PTPRD: variants seen among roughly 807,000 people sequenced by gnomAD.
The protein encoded by PTPRD is protein tyrosine phosphatase receptor type D.
PTPRD carries 34 observed loss-of-function variants against 214.5 expected under a neutral mutation model. The observed-to-expected ratio is 0.16, with a 90% confidence interval of 0.12 to 0.21. The LOEUF (loss-of-function observed/expected upper bound fraction) is 0.21, where lower values mean the gene tolerates loss of function less well. PTPRD is among the 10% of genes least tolerant of loss of function. PTPRD has a pLI of 1.00. For synonymous variants in PTPRD, 1,128 were observed against 845.7 expected, an observed-to-expected ratio of 1.33 and a Z score of -5.79; for missense variants, 2,545 against 2,398.7, an observed-to-expected ratio of 1.06 and a Z score of -1.27.
intron 3 of PTPRD, among the ~76,000 whole-genome samples, chr9:10,050,126 G>T (rs2097500721): frequency 6.6e-6 from 1 of 152,124 alleles, no homozygotes. Flanking sequence ...GGGAATTAGA[G>T]AAGATTGTGG....
intron 39 of PTPRD, among the ~76,000 whole-genome samples, chr9:8,359,748 C>A (rs141891150): frequency 1.3e-5 from 2 of 152,302 alleles, no homozygotes; most frequent in Non-Finnish European, 2.9e-5. Context: ...GGAACAGAGA[C>A]TAAAATAAAA....
intron 11 of PTPRD, among the ~76,000 whole-genome samples, chr9:8,977,697 G>A (rs1328271551): frequency 8.2e-6 from 1 of 122,454 alleles, no homozygotes; most frequent in Non-Finnish European, 1.7e-5. Context: ...GTCCTCAGTT[G>A]TCCCTTTGTT....
intron 4 of PTPRD, among the ~76,000 whole-genome samples, chr9:9,985,184 C>G (rs188179169): frequency 1.3e-5 from 2 of 152,312 alleles, no homozygotes; most frequent in Non-Finnish European, 2.9e-5. Context: ...CCAATAAGGT[C>G]TGAACCCCAG....
intron 11 of PTPRD, among the ~76,000 whole-genome samples, chr9:8,863,849 C>T (rs2098149027): frequency 6.6e-6 from 1 of 152,040 alleles, no homozygotes; most frequent in African/African-American, 2.4e-5. Context: ...TAAATTATAT[C>T]TTCAGTAGGA....
intron 9 of PTPRD, among the ~76,000 whole-genome samples, chr9:9,230,143 G>A (rs566179912): frequency 6.6e-6 from 1 of 152,074 alleles, no homozygotes; most frequent in Non-Finnish European, 1.5e-5. Context: ...CAAATCTTTT[G>A]ATCACACTTG....
At chr9:8,891,709 G>T (rs1373501685) in intron 11 of PTPRD, among the ~76,000 whole-genome samples, 2 of 152,136 alleles carry the variant, frequency 1.3e-5, no homozygotes, top group African/African-American at 4.8e-5. Flanking sequence ...ATTGGGCCAA[G>T]TAGTATGTTA....
At chr9:10,460,114 T>A (rs1031576631) in intron 2 of PTPRD, among the ~76,000 whole-genome samples, 1 of 151,678 alleles carries the variant, frequency 6.6e-6, no homozygotes, top group African/African-American at 2.4e-5. Flanking sequence ...AGACCAAAAA[T>A]AAATCAAGAA....
chr9:10,195,098 A>ATT (rs34900305), intron 3 of PTPRD, among the ~76,000 whole-genome samples: 4,317 of 97,936 alleles, frequency 0.044, 208 homozygotes, highest in Non-Finnish European at 0.061. Flanking sequence ...ATACCCGGCT[A>ATT]TTTTTTTTTT....
chr9:9,657,051 G>C (rs921605979), intron 7 of PTPRD, among the ~76,000 whole-genome samples: 2 of 152,028 alleles, frequency 1.3e-5, no homozygotes, highest in Non-Finnish European at 2.9e-5. Context: ...ACAACCACTT[G>C]AATAGTTAAT....
At chr9:9,747,236 A>G (rs2098466963) in intron 6 of PTPRD, among the ~76,000 whole-genome samples, 1 of 110,692 alleles carries the variant, frequency 9.0e-6, no homozygotes, top group African/African-American at 4.0e-5. Context: ...TGCACATTTC[A>G]GGACTATCAA....
chr9:9,678,463 T>C (rs1010980755), intron 7 of PTPRD, among the ~76,000 whole-genome samples: 3 of 151,936 alleles, frequency 2.0e-5, no homozygotes, highest in Admixed American at 2.0e-4. Flanking sequence ...AAACAAGAAA[T>C]GGGGAAACGA....
In PTPRD at chr9:8,667,864, G is replaced by A. The variant is rs116245947; in HGVS notation, c.65-31020C>T. 1.2e-3 allele frequency among the ~76,000 whole-genome samples: 190 copies of A among 152,038 alleles called. 1 individual carries two copies. The highest frequency in any genetic ancestry group is 4.4e-3 in the African/African-American group (181 of 41,464). On this transcript the variant is annotated intron_variant, in intron 12 of 45. Coordinates refer to ENST00000381196, the MANE Select transcript of PTPRD (RefSeq NM_002839.4). ...GTATCATAATTACCCTGATTCTACA[G>A]GCAATTAATGCAGTTTCAGTAAGAA... is the stretch of plus-strand genomic sequence containing the variant.
At chr9:9,234,818 T>G (rs1299808159) in intron 9 of PTPRD, among the ~76,000 whole-genome samples, 2 of 152,202 alleles carry the variant, frequency 1.3e-5, no homozygotes, top group East Asian at 3.9e-4. Flanking sequence ...AGCATTTCGC[T>G]AAAAGCCATT....
chr9:10,131,253 T>C (rs2098877849), intron 3 of PTPRD, among the ~76,000 whole-genome samples: 1 of 152,126 alleles, frequency 6.6e-6, no homozygotes, highest in South Asian at 2.1e-4. Flanking sequence ...GATGAAAGAC[T>C]ACTGCGTGCA....
At chr9:9,587,586 T>A (rs2154321668) in intron 7 of PTPRD, among the ~76,000 whole-genome samples, 1 of 152,148 alleles carries the variant, frequency 6.6e-6, no homozygotes, top group Non-Finnish European at 1.5e-5. Context: ...CTACAGTGCT[T>A]CTCAAACTTC....
intron 9 of PTPRD, among the ~76,000 whole-genome samples, chr9:9,335,455 G>A (rs7850556): frequency 0.21 from 32,541 of 151,938 alleles, 4,102 homozygotes; most frequent in African/African-American, 0.33. Context: ...TTAACGGGTA[G>A]TGTACAGTAG....
chr9:9,043,209 T>C (rs1021558033), intron 10 of PTPRD, among the ~76,000 whole-genome samples: 9 of 152,278 alleles, frequency 5.9e-5, no homozygotes, highest in African/African-American at 1.7e-4. Flanking sequence ...TCTGGCATCA[T>C]TCTGTGTTGT....
chr9:9,027,797 G>C (rs1051954153), intron 10 of PTPRD, among the ~76,000 whole-genome samples: 2 of 151,826 alleles, frequency 1.3e-5, no homozygotes, highest in African/African-American at 4.8e-5. Flanking sequence ...TTTTACATAA[G>C]ATCTGCTTTG....
chr9:9,102,950 G>C (rs1478681452), intron 10 of PTPRD, among the ~76,000 whole-genome samples: 3 of 152,118 alleles, frequency 2.0e-5, no homozygotes, highest in African/African-American at 7.2e-5. Context: ...AACTAAAGCA[G>C]GTATTGATTT....
Sources: gnomAD v4.1 joint callset for allele counts (sites outside exome capture counted in the v4.1 genomes callset) on GRCh38, gnomAD v4.1.1 for gene constraint, MANE v1.5 for transcripts, NCBI Gene and HGNC (gene_info 2026-07-23, HGNC 2026-07-21) for gene names.